Variants in SRF observed in about 807,000 individuals in gnomAD.
SRF encodes the protein serum response factor, also known as c-fos serum response element-binding transcription factor.
SRF carries 7 observed loss-of-function variants against 37.1 expected under a neutral mutation model. That is an observed-to-expected ratio of 0.19 (90% CI 0.11 to 0.35). The LOEUF is 0.35. SRF is among the 10% of genes least tolerant of loss of function. The pLI, the probability that SRF is intolerant of heterozygous loss-of-function variation, is 1.00. For missense variants in SRF, 395 were observed against 694.4 expected, an observed-to-expected ratio of 0.57 and a Z score of 4.85; for synonymous variants, 285 against 310.1, an observed-to-expected ratio of 0.92 and a Z score of 0.85.
rs1772122747 is a variant in SRF, at chr6:43,172,251, C to T, written c.513+82C>T. The T allele has an allele frequency of 6.6e-7, 1 of 1,521,026 alleles. No individual in the cohort carries two copies. Among genetic ancestry groups the T allele is most frequent in the Non-Finnish European group, 8.8e-7 (1 of 1,138,992 alleles). 94.2% of individuals were successfully genotyped at this position (1,521,026 alleles called of 1,614,324 possible). A position where few individuals can be genotyped will look rare whatever the true frequency, so the allele number is the denominator to read the frequency against. The stretch of plus-strand genomic sequence containing the variant: ...AGGGAGCCCGGGAGGACCGCAGAGC[C>T]GAGGCGGAGGTGAGAGGCTGCGAGT... On this transcript the variant is annotated intron_variant, in intron 1 of 6. Coordinates refer to ENST00000265354, the MANE Select transcript of SRF (RefSeq NM_003131.4). The surrounding 1 kb of genome is among the most constrained non-coding windows in gnomAD (Gnocchi z 5.7).
rs1772132678 is a variant in SRF, at chr6:43,172,762, G to C, written c.513+593G>C. Among the ~76,000 whole-genome samples the C allele has an allele frequency of 6.6e-6, 1 of 152,152 alleles. No individual in the cohort carries two copies. The highest frequency in any genetic ancestry group is 1.5e-5 in the Non-Finnish European group (1 of 68,010). ...GAACCTAGTCCTGCGCCGGCCGTGA[G>C]TCTTCCATGGCATCCACTGGGAACC... On this transcript the variant is annotated intron_variant, in intron 1 of 6. Transcript: ENST00000265354. The surrounding 1 kb of genome is among the most constrained non-coding windows in gnomAD (Gnocchi z 5.7).
chr6:43,171,480 T>C lies in SRF; in HGVS notation c.-177T>C, dbSNP rs1295131245. 3.4e-6 allele frequency: 2 copies of C among 585,866 alleles called. No homozygotes were observed. Among genetic ancestry groups the C allele is most frequent in the African/African-American group, 2.0e-5 (1 of 50,478 alleles). The allele number at this position is 585,866 out of a possible 1,614,324, so 36.3% of individuals were successfully genotyped here. On this transcript the variant is annotated 5_prime_UTR_variant, in exon 1 of 7. Transcript: ENST00000265354. This position sits in a 1 kb window ranked among gnomAD's most constrained non-coding sequence, Gnocchi z 6.5. ...AACCCGGGCCACAGGGGCAGGAAAG[T>C]GAGGGCCCAGGTCGGCCCGGGCGTG... is the stretch of plus-strand genomic sequence containing the variant.
At position 43,176,504 on chromosome 6, in the gene SRF, C is replaced by G. The variant is rs373478811; in HGVS notation, c.1043-44C>G. 116 of 1,607,392 alleles carry G rather than the reference C, an allele frequency of 7.2e-5. No individual in the cohort carries two copies. The highest frequency in any genetic ancestry group is 9.8e-5 in the Non-Finnish European group (115 of 1,175,172). On this transcript the variant is annotated intron_variant, in intron 3 of 6. Transcript: ENST00000265354. The surrounding 1 kb of genome is among the most constrained non-coding windows in gnomAD (Gnocchi z 4.0). ...GTCCATGGGTACTTGGTGGAGGTGG[C>G]AATTGGGTGGGACAGAGCACAAATA...
At chr6:43,177,643 C>T (rs989782430) in intron 4 of SRF, among the ~76,000 whole-genome samples, 8 of 149,904 alleles carry the variant, frequency 5.3e-5, no homozygotes, top group Non-Finnish European at 7.4e-5. Context: ...AGGCCGGGTG[C>T]GGTGGCTCAC....
In SRF at chr6:43,178,338, G is replaced by C. The variant is rs922092345; in HGVS notation, c.1207G>C (p.Val403Leu). 2 of 1,612,856 alleles carry C rather than the reference G, an allele frequency of 1.2e-6. No individual in the cohort carries two copies. Among genetic ancestry groups the C allele is most frequent in the Non-Finnish European group, 8.5e-7 (1 of 1,179,098 alleles). The change falls in exon 5 of 7, where the codon GTG becomes CTG. Residue 403 changes from valine to leucine, a missense_variant. By Grantham distance (32) the Val-to-Leu change is conservative. Around this residue, in one of 4 missense-constraint regions of SRF, gnomAD observed 232 missense variants for 335.6 expected, o/e 0.69. Transcript: ENST00000265354. The surrounding 1 kb of genome is among the most constrained non-coding windows in gnomAD (Gnocchi z 4.3). ...TIMTSSVPTT[V>L]GGHMMYPSPH... ...CATGACGTCATCCGTGCCCACAACTGTGGGTGGCCACATGATGTACCCTAG... is the reference window on the plus strand; with the variant it reads ...CATGACGTCATCCGTGCCCACAACTCTGGGTGGCCACATGATGTACCCTAG...
At position 43,178,642 on chromosome 6, in the gene SRF, C is replaced by G. The variant is rs964804754; in HGVS notation, c.1354+157C>G. Among the ~76,000 whole-genome samples the G allele has an allele frequency of 1.3e-5, 2 of 152,160 alleles. No homozygotes were observed. The highest frequency in any genetic ancestry group is 4.8e-5 in the African/African-American group (2 of 41,424). The stretch of plus-strand genomic sequence containing the variant: ...CTCACACACACATTTGGACACCCCA[C>G]TTGGACACTCACACCCGCATGCACC... On this transcript the variant is annotated intron_variant, in intron 5 of 6. Coordinates refer to ENST00000265354, the MANE Select transcript of SRF (RefSeq NM_003131.4). This position sits in a 1 kb window ranked among gnomAD's most constrained non-coding sequence, Gnocchi z 4.3.
Position 43,178,545 on chromosome 6 carries a change from A to G in SRF, c.1354+60A>G, listed in dbSNP as rs1027465090. The G allele has an allele frequency of 4.3e-5, 64 of 1,501,376 alleles. No homozygotes were observed. Among genetic ancestry groups the G allele is most frequent in the Non-Finnish European group, 5.8e-5 (63 of 1,094,344 alleles). The allele number at this position is 1,501,376 out of a possible 1,614,324, so 93.0% of individuals were successfully genotyped here. On this transcript the variant is annotated intron_variant, in intron 5 of 6. Coordinates refer to ENST00000265354, the MANE Select transcript of SRF (RefSeq NM_003131.4). This position sits in a 1 kb window ranked among gnomAD's most constrained non-coding sequence, Gnocchi z 4.3. ...CGTTTCCTTCTTTATACACACACAC[A>G]CACACACATACACACACATATGCAC... is the stretch of plus-strand genomic sequence containing the variant.
chr6:43,177,914 CAAAAAAAA>C, intron 4 of SRF, among the ~76,000 whole-genome samples: 1 of 47,948 alleles, frequency 2.1e-5, no homozygotes, highest in East Asian at 6.6e-4. Flanking sequence ...GACTCCATCT[CAAAAAAAA>C]AAAAAAAAAG....
At chr6:43,177,711 T>A (rs1204001591) in intron 4 of SRF, among the ~76,000 whole-genome samples, 2 of 150,842 alleles carry the variant, frequency 1.3e-5, no homozygotes, top group East Asian at 2.0e-4. Context: ...GTCAGGAGAT[T>A]GAGATCATCC....
chr6:43,174,800 CA>C (rs1772168420), intron 2 of SRF, among the ~76,000 whole-genome samples: 2 of 152,188 alleles, frequency 1.3e-5, no homozygotes, highest in African/African-American at 4.8e-5. Context: ...AGCTGCTTTG[CA>C]AACGTCTCGT....
rs1305973544 is a variant in SRF at position 43,171,656 on chromosome 6, C to T, written c.-1C>T. On this transcript the variant is annotated 5_prime_UTR_variant, in exon 1 of 7. Coordinates refer to ENST00000265354, the MANE Select transcript of SRF (RefSeq NM_003131.4). The surrounding 1 kb of genome is among the most constrained non-coding windows in gnomAD (Gnocchi z 6.5). ...CCGTCCGCCCTCCTGCATCGAGCGCCATGTTACCGACCCAAGCTGGGGCCG... is the reference window on the plus strand; with the variant it reads ...CCGTCCGCCCTCCTGCATCGAGCGCTATGTTACCGACCCAAGCTGGGGCCG... 1.7e-6 allele frequency: 2 copies of T among 1,212,016 alleles called. No individual in the cohort carries two copies. Among genetic ancestry groups the T allele is most frequent in the Non-Finnish European group, 2.1e-6 (2 of 973,322 alleles). 75.1% of individuals were successfully genotyped at this position (1,212,016 alleles called of 1,614,324 possible).
Position 43,176,515 on chromosome 6 carries a change from G to A in SRF, c.1043-33G>A, listed in dbSNP as rs772659060. 3 of 1,612,834 alleles carry A rather than the reference G, an allele frequency of 1.9e-6. No individual in the cohort carries two copies. The highest frequency in any genetic ancestry group is 3.3e-5 in the Admixed American group (2 of 59,952). Reference sequence around the variant, plus strand: ...CTTGGTGGAGGTGGCAATTGGGTGGGACAGAGCACAAATAAGACTCTGTGT... The same window carrying A: ...CTTGGTGGAGGTGGCAATTGGGTGGAACAGAGCACAAATAAGACTCTGTGT... On this transcript the variant is annotated intron_variant, in intron 3 of 6. Transcript: ENST00000265354. The surrounding 1 kb of genome is among the most constrained non-coding windows in gnomAD (Gnocchi z 4.0).
chr6:43,176,419 C>A lies in SRF; in HGVS notation c.1043-129C>A. Reference sequence around the variant, plus strand: ...ACTTGGGCCTGAAGGGCCTCTTTGGCTTCCAGGAAAGATAGTGATGGGAGT... The same window carrying A: ...ACTTGGGCCTGAAGGGCCTCTTTGGATTCCAGGAAAGATAGTGATGGGAGT... On this transcript the variant is annotated intron_variant, in intron 3 of 6. Coordinates refer to ENST00000265354, the MANE Select transcript of SRF (RefSeq NM_003131.4). This position sits in a 1 kb window ranked among gnomAD's most constrained non-coding sequence, Gnocchi z 4.0. 6.9e-7 allele frequency: 1 copy of A among 1,456,528 alleles called. No individual in the cohort carries two copies. Among genetic ancestry groups the A allele is most frequent in the South Asian group, 1.3e-5 (1 of 77,582 alleles). 90.2% of individuals were successfully genotyped at this position (1,456,528 alleles called of 1,614,324 possible). A position where few individuals can be genotyped will look rare whatever the true frequency, so the allele number is the denominator to read the frequency against.
rs1317186321 is a variant in SRF, at chr6:43,178,921, C to T, written c.1431+39C>T. The T allele has an allele frequency of 3.7e-6, 6 of 1,605,832 alleles. No homozygotes were observed. The highest frequency in any genetic ancestry group is 1.7e-6 in the Non-Finnish European group (2 of 1,172,426). ...TCTTTCACCCCATCCCAGATAGCCA[C>T]TTCTTTGTCTTGACCTTAGGGGATC... On this transcript the variant is annotated intron_variant, in intron 6 of 6. Coordinates refer to ENST00000265354, the MANE Select transcript of SRF (RefSeq NM_003131.4). The surrounding 1 kb of genome is among the most constrained non-coding windows in gnomAD (Gnocchi z 4.3).
rs1391831697 is a variant in SRF, at chr6:43,176,389, T to C, written c.1043-159T>C. Reference sequence around the variant, plus strand: ...GAGTAGAGCGTGGAAGCCCCCAGAGTGGATACTTGGGCCTGAAGGGCCTCT... The same window carrying C: ...GAGTAGAGCGTGGAAGCCCCCAGAGCGGATACTTGGGCCTGAAGGGCCTCT... On this transcript the variant is annotated intron_variant, in intron 3 of 6. Transcript: ENST00000265354. The surrounding 1 kb of genome is among the most constrained non-coding windows in gnomAD (Gnocchi z 4.0). 6.6e-6 allele frequency among the ~76,000 whole-genome samples: 1 copy of C among 151,414 alleles called. No individual in the cohort carries two copies. Among genetic ancestry groups the C allele is most frequent in the Non-Finnish European group, 1.5e-5 (1 of 67,816 alleles).
rs1772241089 is a variant in SRF, at chr6:43,178,162, T to G, written c.1163-132T>G. 1.2e-6 allele frequency: 1 copy of G among 830,582 alleles called. No individual in the cohort carries two copies. Among genetic ancestry groups the G allele is most frequent in the Non-Finnish European group, 1.8e-6 (1 of 558,668 alleles). 51.5% of individuals were successfully genotyped at this position (830,582 alleles called of 1,614,324 possible). A position where few individuals can be genotyped will look rare whatever the true frequency, so the allele number is the denominator to read the frequency against. ...GGCTTTTCTTAGTTGATGATGGAGC[T>G]GAGGAATAGTCGTGTCTAGCTTCTG... On this transcript the variant is annotated intron_variant, in intron 4 of 6. Transcript: ENST00000265354. This position sits in a 1 kb window ranked among gnomAD's most constrained non-coding sequence, Gnocchi z 4.3.
At chr6:43,175,201 G>A (rs1772174138) in intron 2 of SRF, among the ~76,000 whole-genome samples, 1 of 152,114 alleles carries the variant, frequency 6.6e-6, no homozygotes, top group Non-Finnish European at 1.5e-5. Context: ...AAACGTAGTA[G>A]CCCAGCCCCC....
chr6:43,179,905 T>C lies in SRF; in HGVS notation c.*715T>C, dbSNP rs1772277040. ...TTAAAGTTGATTTTGAACTTTTTAT[T>C]TGAGGAGACGAAGTGAAAACAAATC... is the stretch of plus-strand genomic sequence containing the variant. On this transcript the variant is annotated 3_prime_UTR_variant, in exon 7 of 7. Transcript: ENST00000265354. This position sits in a 1 kb window ranked among gnomAD's most constrained non-coding sequence, Gnocchi z 5.3. 1 of 152,622 alleles carries C rather than the reference T, an allele frequency of 6.6e-6. No individual in the cohort carries two copies. Among genetic ancestry groups the C allele is most frequent in the Non-Finnish European group, 1.5e-5 (1 of 68,030 alleles). The allele number at this position is 152,622 out of a possible 1,614,324, so 9.5% of individuals were successfully genotyped here.
rs1039594446 is a variant in SRF at position 43,178,086 on chromosome 6, A to G, written c.1163-208A>G. Among the ~76,000 whole-genome samples the G allele has an allele frequency of 6.6e-6, 1 of 152,190 alleles. No homozygotes were observed. Among genetic ancestry groups the G allele is most frequent in the African/African-American group, 2.4e-5 (1 of 41,438 alleles). On this transcript the variant is annotated intron_variant, in intron 4 of 6. Coordinates refer to ENST00000265354, the MANE Select transcript of SRF (RefSeq NM_003131.4). The surrounding 1 kb of genome is among the most constrained non-coding windows in gnomAD (Gnocchi z 4.3). Reference sequence around the variant, plus strand: ...GATAGACAATTGAATAAATAGTACAATGTGATAGGATACAATTAAAGATTG... The same window carrying G: ...GATAGACAATTGAATAAATAGTACAGTGTGATAGGATACAATTAAAGATTG...
Sources: gnomAD v4.1 joint callset for allele counts (sites outside exome capture counted in the v4.1 genomes callset) on GRCh38, gnomAD v4.1.1 for gene constraint, gnomAD v4.1.1 regional missense constraint, Gnocchi (gnomAD v3.1) non-coding constraint, MANE v1.5 for transcripts, NCBI Gene and HGNC (gene_info 2026-07-23, HGNC 2026-07-21) for gene names.